The following CNKSR2 variants were observed in gnomAD, a reference collection of about 807,000 sequenced individuals.
The protein encoded by CNKSR2 is CNK homolog protein 2.
CNKSR2 carries 14 observed loss-of-function variants against 84.4 expected under a neutral mutation model. That is an observed-to-expected ratio of 0.17 (90% confidence interval 0.11 to 0.26). The LOEUF (loss-of-function observed/expected upper bound fraction) is 0.26. Ranked by LOEUF, CNKSR2 falls within the 10% of genes least tolerant of loss-of-function variation. The pLI is 1.00. For missense variants in CNKSR2, 485 were observed against 771.2 expected, an observed-to-expected ratio of 0.63 and a Z score of 4.40; for synonymous variants, 275 against 277.9, an observed-to-expected ratio of 0.99 and a Z score of 0.10.
intron 3 of CNKSR2, among the ~76,000 whole-genome samples, chrX:21,436,807 T>C (rs2090712249): frequency 9.0e-6 from 1 of 111,269 alleles, no homozygotes; most frequent in South Asian, 3.8e-4. Flanking sequence ...CATTAAGTCA[T>C]GACTGAGTGA....
chrX:21,596,755 A>G (rs2092453008), intron 17 of CNKSR2, among the ~76,000 whole-genome samples: 1 of 111,155 alleles, frequency 9.0e-6, no homozygotes, highest in Non-Finnish European at 1.9e-5. Flanking sequence ...ATTACTAATA[A>G]AGGAATTGAG....
chrX:21,482,739 G>T (rs774033707), intron 5 of CNKSR2, among the ~76,000 whole-genome samples: 1 of 111,715 alleles, frequency 9.0e-6, no homozygotes, highest in Non-Finnish European at 1.9e-5. Flanking sequence ...ACTGTCCCAG[G>T]CTATGAAATT....
In CNKSR2 at chrX:21,605,230, T is replaced by C. The variant is rs1221489434; in HGVS notation, c.2045-1549T>C. On this transcript the variant is annotated intron_variant, in intron 18 of 21. Transcript: ENST00000379510. ...TAGTTAATGTGTTTTTCCATCAGCA[T>C]TTGCTGGGTCCGTTTCTGGGCAACT... 2.7e-5 allele frequency among the ~76,000 whole-genome samples: 3 copies of C among 111,825 alleles called. No individual in the cohort carries two copies. In the East Asian group the frequency reaches 8.4e-4, roughly 31 times the overall value.
rs1447215 is a variant in CNKSR2, at chrX:21,498,560, C to T, written c.741+714C>T. Among the ~76,000 whole-genome samples the T allele has an allele frequency of 2.3e-3, 262 of 111,684 alleles. 2 individuals carry two copies. Among genetic ancestry groups the T allele is most frequent in the Admixed American group, 0.022 (228 of 10,495 alleles). The stretch of plus-strand genomic sequence containing the variant: ...TAACCTCTCATTGCTTCAGTTTCTT[C>T]GACTATAATTGGAAACAAATTATCT... On this transcript the variant is annotated intron_variant, in intron 7 of 21. Transcript: ENST00000379510.
intron 13 of CNKSR2, among the ~76,000 whole-genome samples, chrX:21,579,347 G>T (rs2092340126): frequency 9.0e-6 from 1 of 111,638 alleles, no homozygotes; most frequent in South Asian, 3.8e-4. Flanking sequence ...TGTAAAACCT[G>T]CTTTGAAAAT....
At chrX:21,452,275 G>A (rs1407654832) in intron 4 of CNKSR2, among the ~76,000 whole-genome samples, 1 of 110,706 alleles carries the variant, frequency 9.0e-6, no homozygotes, top group African/African-American at 3.3e-5. Flanking sequence ...TGTGTTTTTA[G>A]TAGAGACGGA....
Position 21,384,735 on chromosome X carries a change from G to A in CNKSR2, c.64+9774G>A, listed in dbSNP as rs111422722. 7.2e-3 allele frequency among the ~76,000 whole-genome samples: 809 copies of A among 111,825 alleles called. 6 individuals are homozygous for A. Among genetic ancestry groups the A allele is most frequent in the Non-Finnish European group, 0.012 (652 of 53,059 alleles). On this transcript the variant is annotated intron_variant, in intron 1 of 21. Transcript: ENST00000379510. ...ATACTGAAAATATGCTAGTTAGAAAGGAGCTGTATTTTTACTTAGAATTTC... is the reference window on the plus strand; with the variant it reads ...ATACTGAAAATATGCTAGTTAGAAAAGAGCTGTATTTTTACTTAGAATTTC...
intron 5 of CNKSR2, among the ~76,000 whole-genome samples, chrX:21,473,758 T>TG (rs2091227964): frequency 1.1e-5 from 1 of 92,030 alleles, no homozygotes; most frequent in African/African-American, 5.0e-5. Flanking sequence ...TTTTTTTTTT[T>TG]TTTTTTGAGA....
At chrX:21,554,340 TTTTAAC>T (rs1052460809) in intron 11 of CNKSR2, among the ~76,000 whole-genome samples, 1 of 111,815 alleles carries the variant, frequency 8.9e-6, no homozygotes, top group Admixed American at 9.5e-5. Flanking sequence ...GAAATGATTT[TTTTAAC>T]TTTAAGTTTA....
chrX:21,390,374 T>C (rs2090032040), intron 1 of CNKSR2, among the ~76,000 whole-genome samples: 1 of 110,977 alleles, frequency 9.0e-6, no homozygotes. Context: ...TTTAATTGGC[T>C]CACAGTTCCA....
chrX:21,385,652 T>A (rs1297970902), intron 1 of CNKSR2, among the ~76,000 whole-genome samples: 1 of 111,947 alleles, frequency 8.9e-6, no homozygotes, highest in African/African-American at 3.2e-5. Context: ...TAAGCAGGTG[T>A]TTGTTTTAAG....
rs757969975 is a variant in CNKSR2 at position 21,483,117 on chromosome X, G to A, written c.562-7342G>A. Among the ~76,000 whole-genome samples, 12 of 111,448 alleles carry A rather than the reference G, an allele frequency of 1.1e-4. 1 individual carries two copies. In the East Asian group the frequency reaches 1.4e-3, roughly 13 times the overall value. ...ACAAGAAATTCTTCCTGTGTTGCAC[G>A]TATGTTTATTACGGCATTACTCACA... On this transcript the variant is annotated intron_variant, in intron 5 of 21. Transcript: ENST00000379510.
intron 8 of CNKSR2, among the ~76,000 whole-genome samples, chrX:21,513,094 T>A (rs768600473): frequency 2.7e-5 from 3 of 112,208 alleles, no homozygotes; most frequent in Non-Finnish European, 3.8e-5. Flanking sequence ...TTGCGATTAT[T>A]CGGTAGCTAT....
rs190922067 is a variant in CNKSR2, at chrX:21,652,250, T to A, written c.2890-56T>A. ...TGTTTTGCCTATTAACTTTTTATTTTAAACTTGAATAAAACTTTGTCCCTG... is the reference window on the plus strand; with the variant it reads ...TGTTTTGCCTATTAACTTTTTATTTAAAACTTGAATAAAACTTTGTCCCTG... On this transcript the variant is annotated intron_variant, in intron 21 of 21. Transcript: ENST00000379510. The A allele has an allele frequency of 7.5e-3, 7,690 of 1,022,010 alleles. 29 individuals carry two copies. Among genetic ancestry groups the A allele is most frequent in the Non-Finnish European group, 9.2e-3 (6,820 of 738,449 alleles). The allele number at this position is 1,022,010 out of a possible 1,213,427, so 84.2% of individuals were successfully genotyped here.
intron 3 of CNKSR2, among the ~76,000 whole-genome samples, chrX:21,436,520 A>G (rs1345952670): frequency 9.0e-6 from 1 of 110,945 alleles, no homozygotes; most frequent in African/African-American, 3.3e-5. Context: ...TTTAAATAGG[A>G]TAATTCCTGT....
chrX:21,459,457 C>T (rs761150232), intron 4 of CNKSR2, among the ~76,000 whole-genome samples: 5 of 110,965 alleles, frequency 4.5e-5, no homozygotes, highest in Admixed American at 1.9e-4. Flanking sequence ...TAATATCACA[C>T]TTCAGTCAGC....
intron 1 of CNKSR2, among the ~76,000 whole-genome samples, chrX:21,417,725 T>C (rs2090441384): frequency 8.9e-6 from 1 of 111,893 alleles, no homozygotes; most frequent in East Asian, 2.8e-4. Context: ...CTACTCCTGC[T>C]CTTTTTGGGT....
intron 4 of CNKSR2, among the ~76,000 whole-genome samples, chrX:21,451,612 A>G (rs910600462): frequency 3.0e-5 from 3 of 99,981 alleles, no homozygotes; most frequent in Non-Finnish European, 6.0e-5. Flanking sequence ...AAAACCAAAC[A>G]CCGCATGTTC....
At chrX:21,482,324 G>A (rs2091330004) in intron 5 of CNKSR2, among the ~76,000 whole-genome samples, 1 of 111,675 alleles carries the variant, frequency 9.0e-6, no homozygotes, top group Non-Finnish European at 1.9e-5. Flanking sequence ...AAGAACATTT[G>A]ACTAAGCATC....
Sources: gnomAD v4.1 joint callset for allele counts (sites outside exome capture counted in the v4.1 genomes callset) on GRCh38, gnomAD v4.1.1 for gene constraint, MANE v1.5 for transcripts, NCBI Gene and HGNC (gene_info 2026-07-23, HGNC 2026-07-21) for gene names.